The following DNER variants were observed in gnomAD, a reference collection of about 807,000 sequenced individuals.
DNER encodes the protein delta and Notch-like epidermal growth factor-related receptor.
In DNER, 33 loss-of-function variants were observed where a neutral mutation model predicts 78.2. The observed-to-expected ratio is 0.42, with a 90% confidence interval of 0.32 to 0.56. DNER has a LOEUF of 0.56. Ranked by LOEUF, DNER falls within the 20% of genes least tolerant of loss-of-function variation. DNER has a pLI of 0.11. For synonymous variants in DNER, 417 were observed against 384.8 expected (o/e 1.08, Z -0.98); for missense variants, 918 against 975.3 (o/e 0.94, Z 0.78).
chr2:229,364,964 C>A (rs1692311530), intron 12 of DNER, among the ~76,000 whole-genome samples: 2 of 150,940 alleles, frequency 1.3e-5, no homozygotes, highest in Admixed American at 6.6e-5. Context: ...GATTCTCCTG[C>A]CTCAGCCTCC....
intron 8 of DNER, among the ~76,000 whole-genome samples, chr2:229,443,641 A>G (rs542897222): frequency 2.4e-4 from 37 of 152,352 alleles, no homozygotes; most frequent in African/African-American, 5.5e-4. Flanking sequence ...GCATTTTGTC[A>G]GATGGGAACT....
intron 1 of DNER, among the ~76,000 whole-genome samples, chr2:229,635,377 A>AC (rs1481288399): frequency 6.6e-6 from 1 of 151,050 alleles, no homozygotes; most frequent in East Asian, 1.9e-4. Context: ...AAAAAAAAAA[A>AC]AAAAAAAACT....
intron 6 of DNER, among the ~76,000 whole-genome samples, chr2:229,506,583 A>T (rs1320386881): frequency 6.7e-6 from 1 of 149,200 alleles, no homozygotes; most frequent in Non-Finnish European, 1.5e-5. Flanking sequence ...GGTTAGTTAC[A>T]TATGTGTACA....
intron 11 of DNER, among the ~76,000 whole-genome samples, chr2:229,371,057 C>A (rs931056462): frequency 6.6e-6 from 1 of 152,204 alleles, no homozygotes; most frequent in Admixed American, 6.5e-5. Flanking sequence ...GAAAAACTTT[C>A]TCAAGATTTC....
intron 7 of DNER, among the ~76,000 whole-genome samples, chr2:229,448,440 G>A (rs1451181305): frequency 1.3e-5 from 2 of 152,164 alleles, no homozygotes; most frequent in African/African-American, 4.8e-5. Context: ...CTTGGATTGT[G>A]GTGATAGCTG....
intron 1 of DNER, among the ~76,000 whole-genome samples, chr2:229,616,267 C>T (rs1317145828): frequency 6.6e-6 from 1 of 152,210 alleles, no homozygotes; most frequent in African/African-American, 2.4e-5. Context: ...CTCCCACATC[C>T]TCTCCTCATT....
At chr2:229,581,805 C>T (rs1697401486) in intron 4 of DNER, among the ~76,000 whole-genome samples, 1 of 152,098 alleles carries the variant, frequency 6.6e-6, no homozygotes, top group African/African-American at 2.4e-5. Flanking sequence ...GTTTGTCTCC[C>T]AAAGACACAG....
intron 2 of DNER, among the ~76,000 whole-genome samples, chr2:229,589,984 T>C (rs1697572036): frequency 6.6e-6 from 1 of 152,056 alleles, no homozygotes; most frequent in African/African-American, 2.4e-5. Context: ...CTATCTCTTT[T>C]ATAATAAAGG....
At chr2:229,559,317 T>C (rs995765478) in intron 4 of DNER, among the ~76,000 whole-genome samples, 1 of 151,892 alleles carries the variant, frequency 6.6e-6, no homozygotes, top group Non-Finnish European at 1.5e-5. Flanking sequence ...AGGGAGAGAA[T>C]AGAGGGTGAC....
chr2:229,539,576 C>T (rs1329408034), intron 5 of DNER, among the ~76,000 whole-genome samples: 1 of 152,178 alleles, frequency 6.6e-6, no homozygotes, highest in Non-Finnish European at 1.5e-5. Context: ...TAGCAAGTAT[C>T]GAACTTAAAG....
Position 229,585,901 on chromosome 2 carries a change from G to T in DNER, c.804C>A (p.Val268=). The change falls in exon 4 of 13, where the codon GTC becomes GTA. Residue 268 remains valine, a synonymous_variant. Coordinates refer to ENST00000341772, the MANE Select transcript of DNER (RefSeq NM_139072.4). ...VTPLQASGGL[V]LLEEMLALGN... is the part of the protein sequence containing the mutation. ...CCAAGGCGAGCATCTCCTCCAGGAG[G>T]ACCAGTCCCCCTGAAGCCTGAAGGG... 6.2e-7 allele frequency: 1 copy of T among 1,614,034 alleles called. No homozygotes were observed. Among genetic ancestry groups the T allele is most frequent in the Non-Finnish European group, 8.5e-7 (1 of 1,179,988 alleles).
intron 5 of DNER, among the ~76,000 whole-genome samples, chr2:229,518,779 C>T (rs1294150152): frequency 1.3e-5 from 2 of 152,120 alleles, no homozygotes; most frequent in African/African-American, 4.8e-5. Flanking sequence ...CCTGTTAAAC[C>T]TAATATGACA....
chr2:229,447,645 C>A, intron 7 of DNER, 105 bp from the exon 8 acceptor site: 1 of 1,230,966 alleles, frequency 8.1e-7, no homozygotes, highest in Non-Finnish European at 1.1e-6. Flanking sequence ...TTAATTCATT[C>A]ACAGCTTCCA....
intron 1 of DNER, among the ~76,000 whole-genome samples, chr2:229,668,418 T>TTATATATA (rs59207662): frequency 7.5e-6 from 1 of 132,596 alleles, no homozygotes; most frequent in African/African-American, 3.0e-5. Context: ...AAATATTCTT[T>TTATATATA]TATATATATA....
At chr2:229,533,622 G>C (rs1244935243) in intron 5 of DNER, among the ~76,000 whole-genome samples, 1 of 152,132 alleles carries the variant, frequency 6.6e-6, no homozygotes, top group Admixed American at 6.5e-5. Flanking sequence ...CACACGGGAA[G>C]CACTACGGCT....
chr2:229,582,732 C>T (rs1177061426), intron 4 of DNER, among the ~76,000 whole-genome samples: 6 of 152,060 alleles, frequency 3.9e-5, no homozygotes, highest in Admixed American at 6.6e-5. Flanking sequence ...CTCCGCCTCC[C>T]GGGTTCACAC....
chr2:229,637,618 T>G (rs1392302626), intron 1 of DNER, among the ~76,000 whole-genome samples: 1 of 152,238 alleles, frequency 6.6e-6, no homozygotes, highest in Non-Finnish European at 1.5e-5. Flanking sequence ...TGCTCTAGCG[T>G]GTATCTCTTC....
chr2:229,679,666 C>A lies in DNER; in HGVS notation c.276+34482G>T, dbSNP rs74697902. On this transcript the variant is annotated intron_variant, in intron 1 of 12. Transcript: ENST00000341772. ...ATCAAGACCTATCAAGCCACTAATG[C>A]CTTATTCTGCCTGTCTGATGGCCCA... 1.8e-3 allele frequency among the ~76,000 whole-genome samples: 274 copies of A among 152,316 alleles called. 8 individuals are homozygous for A. The East Asian group carries it at 0.048, about 26-fold the overall frequency.
intron 11 of DNER, among the ~76,000 whole-genome samples, chr2:229,381,762 A>G (rs935806292): frequency 6.6e-6 from 1 of 152,218 alleles, no homozygotes; most frequent in Non-Finnish European, 1.5e-5. Context: ...TTCTGAAAGA[A>G]AAGCAGCAGC....
Sources: allele counts gnomAD v4.1 joint callset (sites outside exome capture counted in the v4.1 genomes callset), GRCh38; gene constraint gnomAD v4.1.1; transcripts MANE v1.5; gene names NCBI Gene and HGNC (gene_info 2026-07-23, HGNC 2026-07-21).